The following ANKRD28 variants were observed in gnomAD, a reference collection of about 807,000 sequenced individuals.
ANKRD28 encodes the protein serine/threonine-protein phosphatase 6 regulatory ankyrin repeat subunit A.
Under a neutral mutation model 126.5 loss-of-function variants are expected in ANKRD28, and 44 were observed. The observed-to-expected ratio is 0.35, with a 90% CI of 0.27 to 0.45. ANKRD28 has a LOEUF of 0.45. Among genes scored for constraint, ANKRD28 ranks in the 20% least tolerant of loss-of-function variants. The pLI is 1.00. For synonymous variants in ANKRD28, 442 were observed against 468.5 expected (o/e 0.94, Z 0.73); for missense variants, 1,110 against 1,316.6 (o/e 0.84, Z 2.43).
chr3:15,815,128 T>G lies in ANKRD28; in HGVS notation c.28-19822A>C, dbSNP rs964770074. On this transcript the variant is annotated intron_variant, in intron 1 of 27. Transcript: ENST00000399451. The surrounding 1 kb of genome is among the most constrained non-coding windows in gnomAD (Gnocchi z 4.1). ...AAGAATATTATATATTCTTGTATAA[T>G]ACTTTTCCCAAGATAAAAAATAAAA... 2.0e-4 allele frequency among the ~76,000 whole-genome samples: 30 copies of G among 151,878 alleles called. No individual in the cohort carries two copies. Among genetic ancestry groups the G allele is most frequent in the African/African-American group, 7.2e-4 (30 of 41,396 alleles).
At chr3:15,695,285 A>G (rs2069371153) in intron 15 of ANKRD28, 71 bp from the exon 16 acceptor site, 2 of 1,167,696 alleles carry the variant, frequency 1.7e-6, no homozygotes, top group African/African-American at 3.0e-5. Context: ...CAACTTATAT[A>G]GAGCTTTGCT....
intron 3 of ANKRD28, among the ~76,000 whole-genome samples, chr3:15,752,298 T>A (rs941468903): frequency 6.6e-6 from 1 of 152,132 alleles, no homozygotes; most frequent in Non-Finnish European, 1.5e-5. Context: ...ACACATTGTA[T>A]AAGATAGAAA....
chr3:15,798,453 A>T (rs1214676519), upstream of ANKRD28, among the ~76,000 whole-genome samples: 3 of 152,206 alleles, frequency 2.0e-5, no homozygotes, highest in Non-Finnish European at 4.4e-5. Flanking sequence ...AAGATTGTCT[A>T]ACAATTTCTA....
At chr3:15,684,827 ATCT>A (rs574438653) in intron 21 of ANKRD28, 79 of 169,388 alleles carry the variant, frequency 4.7e-4, no homozygotes, top group Non-Finnish European at 8.0e-4. Flanking sequence ...GGAAATAAGG[ATCT>A]AAGAAAAACT....
At chr3:15,679,158 G>T in intron 23 of ANKRD28, 143 bp downstream of exon 23, 1 of 690,080 alleles carries the variant, frequency 1.4e-6, no homozygotes, top group Non-Finnish European at 2.5e-6. Flanking sequence ...TGGTAGAGAT[G>T]CAGGTCTTGC....
chr3:15,728,094 A>G (rs2074314607), intron 6 of ANKRD28, among the ~76,000 whole-genome samples: 1 of 152,218 alleles, frequency 6.6e-6, no homozygotes, highest in South Asian at 2.1e-4. Flanking sequence ...ATTCACATTG[A>G]GGCAAAACTC....
intron 8 of ANKRD28, among the ~76,000 whole-genome samples, chr3:15,715,204 C>T (rs745824950): frequency 9.9e-5 from 15 of 152,216 alleles, no homozygotes; most frequent in East Asian, 1.9e-4. Flanking sequence ...AAAACAATCC[C>T]TGATTTAGGT....
chr3:15,798,948 T>C (rs899369654), upstream of ANKRD28, among the ~76,000 whole-genome samples: 1 of 152,178 alleles, frequency 6.6e-6, no homozygotes, highest in Non-Finnish European at 1.5e-5. Context: ...CTATGTGCTG[T>C]ACATTCTCAT....
intron 27 of ANKRD28, among the ~76,000 whole-genome samples, chr3:15,674,196 A>AAAAAAAAAAAAAAAAAAAAAC (rs1470515364): frequency 7.7e-6 from 1 of 130,082 alleles, no homozygotes; most frequent in African/African-American, 3.3e-5. Context: ...AAAAAAAAAA[A>AAAAAAAAAAAAAAAAAAAAAC]AAGAAGAAGA....
chr3:15,761,926 C>T (rs1207816191), intron 3 of ANKRD28, among the ~76,000 whole-genome samples: 2 of 152,070 alleles, frequency 1.3e-5, no homozygotes, highest in Admixed American at 6.6e-5. Context: ...TGGCTCACAG[C>T]TGTAATCCCA....
At chr3:15,694,537 G>A (rs2069258932) in intron 17 of ANKRD28, among the ~76,000 whole-genome samples, 3 of 146,304 alleles carry the variant, frequency 2.1e-5, no homozygotes, top group African/African-American at 5.0e-5. Flanking sequence ...TTTTTCTAAA[G>A]CAAGAAACAG....
At chr3:15,748,975 T>C (rs573376016) in intron 4 of ANKRD28, among the ~76,000 whole-genome samples, 8 of 152,244 alleles carry the variant, frequency 5.3e-5, no homozygotes, top group Admixed American at 2.6e-4. Context: ...GTTTGTTTGA[T>C]TGTATTGCTG....
At chr3:15,683,956 A>C (rs2067815356) in intron 21 of ANKRD28, 1 of 152,200 alleles carries the variant, frequency 6.6e-6, no homozygotes, top group Non-Finnish European at 1.5e-5. Flanking sequence ...TATTTATATA[A>C]AGAGACAACT....
chr3:15,740,269 A>G lies in ANKRD28; in HGVS notation c.352-3036T>C, dbSNP rs543564247. 3.3e-5 allele frequency among the ~76,000 whole-genome samples: 5 copies of G among 152,346 alleles called. No homozygotes were observed. In the East Asian group the frequency reaches 7.7e-4, roughly 23 times the overall value. On this transcript the variant is annotated intron_variant, in intron 4 of 27. Transcript: ENST00000683139. ...ACATGAGGGAACTTGCTGGGGTAAC[A>G]GAAATCTTCTATATCTTGACTGGGA...
chr3:15,841,962 T>G (rs1001942246), intron 1 of ANKRD28, among the ~76,000 whole-genome samples: 28 of 151,720 alleles, frequency 1.8e-4, no homozygotes, highest in African/African-American at 5.3e-4. Context: ...ATCAGTATAT[T>G]GAAGAGATAT....
In ANKRD28 at chr3:15,797,044, C is replaced by T. The variant is rs2060307837; in HGVS notation, c.-523G>A. On this transcript the variant is annotated 5_prime_UTR_variant, in exon 1 of 28. Transcript: ENST00000683139. The stretch of plus-strand genomic sequence containing the variant: ...TATAATTGAAAATAAAAAATAAAAT[C>T]TCACTATTCTGTTTCCACTTCTAAT... 7 of 985,158 alleles carry T rather than the reference C, an allele frequency of 7.1e-6. No homozygotes were observed. Among genetic ancestry groups the T allele is most frequent in the Non-Finnish European group, 8.4e-6 (7 of 829,812 alleles). 61.0% of individuals were successfully genotyped at this position (985,158 alleles called of 1,614,324 possible).
intron 4 of ANKRD28, among the ~76,000 whole-genome samples, 179 bp from the exon 5 acceptor site, chr3:15,737,412 T>C (rs2075092051): frequency 6.9e-6 from 1 of 144,370 alleles, no homozygotes; most frequent in African/African-American, 2.6e-5. Context: ...ATATTTTGAA[T>C]GTAAAGCGAT....
chr3:15,730,966 C>T (rs939427892), intron 6 of ANKRD28, among the ~76,000 whole-genome samples: 1 of 152,082 alleles, frequency 6.6e-6, no homozygotes, highest in African/African-American at 2.4e-5. Flanking sequence ...AGTTTGACTC[C>T]CCACAATGTG....
At chr3:15,709,773 C>G in intron 12 of ANKRD28, 37 bp from the exon 13 acceptor site, 5 of 1,378,344 alleles carry the variant, frequency 3.6e-6, no homozygotes, top group Non-Finnish European at 5.0e-6. Flanking sequence ...ACTTAATTGA[C>G]AGTGATTTTA....
Sources: allele counts gnomAD v4.1 joint callset (sites outside exome capture counted in the v4.1 genomes callset), GRCh38; gene constraint gnomAD v4.1.1; non-coding constraint Gnocchi (gnomAD v3.1); transcripts MANE v1.5; gene names NCBI Gene and HGNC (gene_info 2026-07-23, HGNC 2026-07-21).